The following PTPRT variants were observed in gnomAD, a reference collection of about 807,000 sequenced individuals.
PTPRT encodes protein tyrosine phosphatase receptor type T.
Under a neutral mutation model 176.8 loss-of-function variants are expected in PTPRT, and 56 were observed. The ratio of observed to expected loss-of-function variants is 0.32; its 90% CI spans 0.26 to 0.40. The LOEUF is 0.40. PTPRT is among the 10% of genes least tolerant of loss of function. The pLI is 1.00. For synonymous variants in PTPRT, 783 were observed against 739.0 expected, an observed-to-expected ratio of 1.06 and a Z score of -0.96; for missense variants, 1,540 against 1,908.2, an observed-to-expected ratio of 0.81 and a Z score of 3.60.
intron 6 of PTPRT, among the ~76,000 whole-genome samples, chr20:42,704,498 T>C (rs2103654): frequency 0.39 from 58,793 of 151,812 alleles, 12,217 homozygotes; most frequent in African/African-American, 0.52. Context: ...AGCTTTCCTA[T>C]TGAGTCCACC....
At chr20:42,704,433 A>G (rs77027801) in intron 6 of PTPRT, among the ~76,000 whole-genome samples, 1 of 121,616 alleles carries the variant, frequency 8.2e-6, no homozygotes, top group Admixed American at 9.0e-5. Flanking sequence ...TTGATATCCA[A>G]AAAAAAAAAA....
At chr20:42,842,227 G>A (rs1438128713) in intron 2 of PTPRT, among the ~76,000 whole-genome samples, 2 of 152,148 alleles carry the variant, frequency 1.3e-5, no homozygotes, top group African/African-American at 4.8e-5. Context: ...TGGTTTTTAT[G>A]GTGGCTGCAC....
At chr20:42,883,769 C>T (rs1353168392) in intron 2 of PTPRT, among the ~76,000 whole-genome samples, 3 of 4,846 alleles carry the variant, frequency 6.2e-4, no homozygotes, top group Non-Finnish European at 1.7e-3. Flanking sequence ...CATGCACACA[C>T]ACCCTCCATA....
chr20:42,502,409 C>A (rs757869273), intron 7 of PTPRT, among the ~76,000 whole-genome samples: 61 of 69,476 alleles, frequency 8.8e-4, no homozygotes, highest in Non-Finnish European at 1.4e-3. Flanking sequence ...TATACAAACA[C>A]ACACACACAC....
chr20:42,462,904 T>A (rs7351977), intron 8 of PTPRT, among the ~76,000 whole-genome samples: 4,144 of 152,174 alleles, frequency 0.027, 82 homozygotes, highest in Middle Eastern at 0.075. Flanking sequence ...AGAATGCGAG[T>A]CCTTAAACCA....
At position 42,488,829 on chromosome 20, in the gene PTPRT, T is replaced by G. The variant is rs534676682; in HGVS notation, c.1154-16267A>C. 1.5e-4 allele frequency among the ~76,000 whole-genome samples: 23 copies of G among 152,030 alleles called. No homozygotes were observed. In the East Asian group the frequency reaches 4.5e-3, roughly 29 times the overall value. On this transcript the variant is annotated intron_variant, in intron 7 of 30. Transcript: ENST00000373187. The stretch of plus-strand genomic sequence containing the variant: ...AAAATACAAAATTAGCCGGACATGG[T>G]GGTGCATGCCTGTAATCCCAGCTAC...
At chr20:42,399,063 T>C (rs1021864031) in intron 9 of PTPRT, among the ~76,000 whole-genome samples, 2 of 152,230 alleles carry the variant, frequency 1.3e-5, no homozygotes, top group Non-Finnish European at 2.9e-5. Flanking sequence ...AGAGCAAACA[T>C]TCCTAGTCAG....
At chr20:42,953,387 G>A (rs1981381898) in intron 1 of PTPRT, among the ~76,000 whole-genome samples, 1 of 152,116 alleles carries the variant, frequency 6.6e-6, no homozygotes, top group South Asian at 2.1e-4. Flanking sequence ...GGTAGAGCTG[G>A]GATTCGAAAG....
intron 1 of PTPRT, among the ~76,000 whole-genome samples, chr20:43,049,577 T>C (rs1338733848): frequency 2.0e-5 from 3 of 152,206 alleles, no homozygotes; most frequent in African/African-American, 4.8e-5. Context: ...ATTCCTTGCA[T>C]ACAACTCAAT....
At chr20:42,311,549 TC>T (rs1300823239) in intron 12 of PTPRT, among the ~76,000 whole-genome samples, 8 of 152,220 alleles carry the variant, frequency 5.3e-5, no homozygotes, top group Admixed American at 3.9e-4. Flanking sequence ...ATTTCTGCTT[TC>T]CTTTCACTTG....
intron 12 of PTPRT, among the ~76,000 whole-genome samples, chr20:42,313,848 C>G (rs572687085): frequency 3.9e-5 from 6 of 152,306 alleles, no homozygotes; most frequent in Admixed American, 3.3e-4. Context: ...GTCTTATGCT[C>G]TCTGTGAGGA....
intron 7 of PTPRT, among the ~76,000 whole-genome samples, chr20:42,562,692 C>T (rs1363954861): frequency 6.6e-6 from 1 of 152,122 alleles, no homozygotes; most frequent in Non-Finnish European, 1.5e-5. Context: ...ATTTTGATGC[C>T]CAGAGGCACC....
chr20:42,214,282 A>T lies in PTPRT; in HGVS notation c.2343-14894T>A, dbSNP rs534406738. Among the ~76,000 whole-genome samples, 4 of 152,242 alleles carry T rather than the reference A, an allele frequency of 2.6e-5. No individual in the cohort carries two copies. The South Asian group carries it at 8.3e-4, about 32-fold the overall frequency. The stretch of plus-strand genomic sequence containing the variant: ...TTCTCAGCTGTCTCCCTTTCTCCCC[A>T]GGCAAACACACACTCACACATATGC... On this transcript the variant is annotated intron_variant, in intron 15 of 30. Coordinates refer to ENST00000373187, the MANE Select transcript of PTPRT (RefSeq NM_007050.6).
intron 7 of PTPRT, among the ~76,000 whole-genome samples, chr20:42,524,628 AG>A (rs1186645689): frequency 1.3e-5 from 2 of 152,168 alleles, no homozygotes; most frequent in African/African-American, 4.8e-5. Flanking sequence ...TATCCCGCTT[AG>A]GATAAACTGG....
intron 2 of PTPRT, among the ~76,000 whole-genome samples, chr20:42,857,409 T>C (rs906930287): frequency 3.3e-5 from 5 of 152,216 alleles, no homozygotes; most frequent in African/African-American, 9.6e-5. Flanking sequence ...GTTATATTAA[T>C]GCACTTCCAT....
chr20:42,306,012 T>C (rs989744333), intron 12 of PTPRT, among the ~76,000 whole-genome samples: 1 of 152,194 alleles, frequency 6.6e-6, no homozygotes, highest in Non-Finnish European at 1.5e-5. Context: ...GGAGCATTTA[T>C]CCCTGAAGGC....
intron 18 of PTPRT, among the ~76,000 whole-genome samples, chr20:42,140,393 C>T (rs986323947): frequency 1.3e-5 from 2 of 152,164 alleles, no homozygotes; most frequent in African/African-American, 4.8e-5. Context: ...GCATTTTGCA[C>T]GAGATAACTT....
chr20:42,504,735 T>C lies in PTPRT; in HGVS notation c.1154-32173A>G, dbSNP rs190302545. Among the ~76,000 whole-genome samples, 400 of 152,314 alleles carry C rather than the reference T, an allele frequency of 2.6e-3. 2 individuals carry two copies. Among genetic ancestry groups the C allele is most frequent in the African/African-American group, 8.7e-3 (363 of 41,574 alleles). On this transcript the variant is annotated intron_variant, in intron 7 of 30. Transcript: ENST00000373187. ...AATTAGGGAGTTTAGTTTAAGTACA[T>C]TTTTTGAGAATACTGATAAGTTGAA...
chr20:42,400,112 C>T (rs995257378), intron 9 of PTPRT, among the ~76,000 whole-genome samples: 1 of 152,108 alleles, frequency 6.6e-6, no homozygotes, highest in Non-Finnish European at 1.5e-5. Flanking sequence ...TAACCCAACT[C>T]GGAGCCATGG....
Sources: allele counts gnomAD v4.1 joint callset (sites outside exome capture counted in the v4.1 genomes callset), GRCh38; gene constraint gnomAD v4.1.1; transcripts MANE v1.5; gene names NCBI Gene and HGNC (gene_info 2026-07-23, HGNC 2026-07-21).